Variants in SPMAP2L observed in about 807,000 individuals in gnomAD.
SPMAP2L encodes sperm microtubule associated protein 2-like.
the SPMAP2L span, among the ~76,000 whole-genome samples, chr4:56,532,785 T>C: frequency 2.6e-5 from 4 of 152,368 alleles, no homozygotes; most frequent in South Asian, 4.1e-4. Flanking sequence ...TCCACTTGGA[T>C]GATCCATTTG....
At chr4:56,573,208 C>T in the SPMAP2L span, among the ~76,000 whole-genome samples, 1 of 152,192 alleles carries the variant, frequency 6.6e-6, no homozygotes, top group South Asian at 2.1e-4. Context: ...TTAATAGAAT[C>T]ATTTGAATAG....
chr4:56,577,764 T>C, the SPMAP2L span, among the ~76,000 whole-genome samples: 1 of 152,152 alleles, frequency 6.6e-6, no homozygotes, highest in African/African-American at 2.4e-5. Context: ...AAAGAAAGTA[T>C]TTCAGACTAA....
chr4:56,549,426 C>T, the SPMAP2L span, among the ~76,000 whole-genome samples: 10 of 152,148 alleles, frequency 6.6e-5, no homozygotes, highest in African/African-American at 2.2e-4. Context: ...TCCAGTTCAA[C>T]GTATCCCAAT....
the SPMAP2L span, among the ~76,000 whole-genome samples, chr4:56,565,296 C>T: frequency 2.6e-4 from 39 of 152,162 alleles, no homozygotes; most frequent in Non-Finnish European, 5.4e-4. Context: ...GTGGATTTGT[C>T]TATTTCTCCT....
chr4:56,557,267 A>AAAG, the SPMAP2L span, among the ~76,000 whole-genome samples: 1 of 150,004 alleles, frequency 6.7e-6, no homozygotes, highest in African/African-American at 2.5e-5. Context: ...CAAAAAAAAA[A>AAAG]AAAAGAAAAG....
chr4:56,616,635 G>A, the SPMAP2L span, among the ~76,000 whole-genome samples: 1 of 152,156 alleles, frequency 6.6e-6, no homozygotes, highest in African/African-American at 2.4e-5. Context: ...TGAGCTAGTG[G>A]TCAGTGACAG....
the SPMAP2L span, among the ~76,000 whole-genome samples, chr4:56,544,707 G>A: frequency 6.6e-6 from 1 of 152,098 alleles, no homozygotes. Context: ...CTGCCAACCT[G>A]CGCCCCCTGG....
chr4:56,616,857 T>C, the SPMAP2L span, among the ~76,000 whole-genome samples: 18 of 152,244 alleles, frequency 1.2e-4, no homozygotes, highest in Non-Finnish European at 1.5e-5. Flanking sequence ...CATGTTCCTT[T>C]GTTAATCTAC....
the SPMAP2L span, among the ~76,000 whole-genome samples, chr4:56,611,008 G>C: frequency 4.6e-5 from 7 of 152,296 alleles, no homozygotes; most frequent in African/African-American, 1.4e-4. Flanking sequence ...ATGCAAACTA[G>C]CATAACCCCT....
chr4:56,559,379 T>A, the SPMAP2L span: 1 of 1,482,768 alleles, frequency 6.7e-7, no homozygotes, highest in Non-Finnish European at 8.9e-7. Context: ...TTTATCTGTA[T>A]GCTTCTTAAC....
chr4:56,535,709 G>A, the SPMAP2L span, among the ~76,000 whole-genome samples: 4 of 152,298 alleles, frequency 2.6e-5, no homozygotes, highest in African/African-American at 9.6e-5. Context: ...GTAGCCTCCA[G>A]CTGGGTTCTT....
the SPMAP2L span, among the ~76,000 whole-genome samples, chr4:56,588,986 C>T: frequency 2.0e-5 from 3 of 151,808 alleles, no homozygotes; most frequent in African/African-American, 7.3e-5. Flanking sequence ...GGTCTCTGTG[C>T]CTATTTTTTT....
chr4:56,547,975 C>T, the SPMAP2L span, among the ~76,000 whole-genome samples: 7 of 152,158 alleles, frequency 4.6e-5, no homozygotes, highest in Non-Finnish European at 8.8e-5. Flanking sequence ...AATCTTTGCC[C>T]ACACTTGAAT....
At chr4:56,614,828 A>G in the SPMAP2L span, among the ~76,000 whole-genome samples, 1 of 152,120 alleles carries the variant, frequency 6.6e-6, no homozygotes, top group Non-Finnish European at 1.5e-5. Context: ...CTAACACATA[A>G]AAATTCCACC....
chr4:56,550,102 A>AC, the SPMAP2L span, among the ~76,000 whole-genome samples: 1 of 152,328 alleles, frequency 6.6e-6, no homozygotes, highest in Admixed American at 6.5e-5. Context: ...TAGCTCATTT[A>AC]CATGTATGGT....
chr4:56,607,717 G>A, the SPMAP2L span, among the ~76,000 whole-genome samples: 11 of 152,066 alleles, frequency 7.2e-5, no homozygotes, highest in African/African-American at 2.7e-4. Flanking sequence ...CCTGGGCATG[G>A]TGGCTCCCGG....
the SPMAP2L span, among the ~76,000 whole-genome samples, chr4:56,567,442 G>GTTTGTTTTTTTTTTT: frequency 1.5e-5 from 1 of 65,580 alleles, no homozygotes; most frequent in African/African-American, 6.1e-5. Context: ...AATTTTGGTG[G>GTTTGTTTTTTTTTTT]TTTTTTTTTT....
chr4:56,567,959 T>A, the SPMAP2L span, among the ~76,000 whole-genome samples: 2 of 152,180 alleles, frequency 1.3e-5, no homozygotes, highest in South Asian at 4.1e-4. Flanking sequence ...CTTTGCGGGC[T>A]CTAGTTGGAT....
At chr4:56,531,786 C>T in the SPMAP2L span, among the ~76,000 whole-genome samples, 1 of 152,122 alleles carries the variant, frequency 6.6e-6, no homozygotes, top group South Asian at 2.1e-4. Flanking sequence ...CATTTATGAC[C>T]CCTCACTAAT....
Sources: allele counts gnomAD v4.1 joint callset (sites outside exome capture counted in the v4.1 genomes callset), GRCh38; gene constraint gnomAD v4.1.1; transcripts MANE v1.5; gene names NCBI Gene and HGNC (gene_info 2026-07-23, HGNC 2026-07-21).